Variants in PIGL observed in about 807,000 individuals in gnomAD.
PIGL encodes N-acetylglucosaminyl-phosphatidylinositol de-N-acetylase.
A neutral mutation model predicts 31.1 loss-of-function variants in PIGL; 22 were observed. The observed-to-expected ratio is 0.71, with a 90% confidence interval of 0.51 to 1.01. The LOEUF is 1.01. Ranked by LOEUF, PIGL falls within the 50% of genes least tolerant of loss-of-function variation. The probability of loss-of-function intolerance (pLI) is 0.00; values close to 1 mark genes in which losing one functional copy is unlikely to be tolerated. For synonymous variants in PIGL, 131 were observed against 117.4 expected, an observed-to-expected ratio of 1.12 and a Z score of -0.75; for missense variants, 302 against 315.9, an observed-to-expected ratio of 0.96 and a Z score of 0.33.
intron 2 of PIGL, among the ~76,000 whole-genome samples, chr17:16,264,880 G>A (rs1397186985): frequency 6.6e-6 from 1 of 152,152 alleles, no homozygotes; most frequent in East Asian, 1.9e-4. Flanking sequence ...GCCCTCCTCT[G>A]CCTCCCAAAG....
chr17:16,320,841 G>A (rs905951069), intron 6 of PIGL, among the ~76,000 whole-genome samples: 1 of 151,716 alleles, frequency 6.6e-6, no homozygotes, highest in Admixed American at 6.6e-5. Context: ...CACCATATTG[G>A]TCAGGCTGGT....
At chr17:16,264,393 A>G (rs1166021584) in intron 2 of PIGL, among the ~76,000 whole-genome samples, 1 of 150,342 alleles carries the variant, frequency 6.7e-6, no homozygotes, top group Non-Finnish European at 1.5e-5. Context: ...TGATCCACCC[A>G]CCTCGGCCTC....
chr17:16,217,705 G>T (rs2142618248), intron 1 of PIGL: 1 of 519,718 alleles, frequency 1.9e-6, no homozygotes, highest in South Asian at 2.6e-5. Flanking sequence ...AGTTGCAGTT[G>T]GTTGTATTCA....
At chr17:16,286,328 TGG>T (rs964672885) in intron 2 of PIGL, among the ~76,000 whole-genome samples, 14 of 152,236 alleles carry the variant, frequency 9.2e-5, no homozygotes, top group Non-Finnish European at 1.5e-4. Flanking sequence ...GGGCTGGGTC[TGG>T]GGGAGAAAGA....
At chr17:16,271,270 G>T (rs919091798) in intron 2 of PIGL, among the ~76,000 whole-genome samples, 3 of 152,142 alleles carry the variant, frequency 2.0e-5, no homozygotes, top group African/African-American at 4.8e-5. Flanking sequence ...TCAGTCCTCA[G>T]CTCCACCTTT....
intron 2 of PIGL, among the ~76,000 whole-genome samples, chr17:16,252,025 CAAA>C (rs1044958822): frequency 2.0e-5 from 3 of 149,736 alleles, no homozygotes; most frequent in Non-Finnish European, 3.0e-5. Flanking sequence ...TTTAGAAAAA[CAAA>C]AACACGAATT....
intron 2 of PIGL, among the ~76,000 whole-genome samples, chr17:16,262,510 C>T (rs1350728847): frequency 6.6e-6 from 1 of 152,026 alleles, no homozygotes; most frequent in Non-Finnish European, 1.5e-5. Flanking sequence ...AACAGTTCGG[C>T]GGTTCCTCAA....
chr17:16,271,510 G>A (rs966059167), intron 2 of PIGL, among the ~76,000 whole-genome samples: 1 of 151,950 alleles, frequency 6.6e-6, no homozygotes, highest in African/African-American at 2.4e-5. Flanking sequence ...TTAATGTTAA[G>A]TGTGTCCCAA....
At chr17:16,241,715 G>C (rs1192647778) in intron 2 of PIGL, among the ~76,000 whole-genome samples, 1 of 152,092 alleles carries the variant, frequency 6.6e-6, no homozygotes, top group Non-Finnish European at 1.5e-5. Context: ...GGGAATACTT[G>C]AGAAAATTAT....
At chr17:16,246,670 G>GTTTTTT (rs1284256034) in intron 2 of PIGL, among the ~76,000 whole-genome samples, 1 of 106,528 alleles carries the variant, frequency 9.4e-6, no homozygotes, top group Non-Finnish European at 2.0e-5. Context: ...CCAGATCAAG[G>GTTTTTT]TCTTTTTTTT....
At chr17:16,315,598 A>G (rs2093071933) in intron 4 of PIGL, among the ~76,000 whole-genome samples, 1 of 151,734 alleles carries the variant, frequency 6.6e-6, no homozygotes. Context: ...CTTTCCCTGG[A>G]CATCAGAATA....
rs755757505 is a variant in PIGL, at chr17:16,217,312, A to G, written c.86A>G (p.Lys29Arg). The G allele has an allele frequency of 6.2e-7, 1 of 1,614,188 alleles. No individual in the cohort carries two copies. The highest frequency in any genetic ancestry group is 8.5e-7 in the Non-Finnish European group (1 of 1,180,020). The change falls in exon 1 of 7, where the codon AAG becomes AGG. Residue 29 changes from lysine to arginine, a missense_variant. By Grantham distance (26) the Lys-to-Arg change is conservative. Coordinates refer to ENST00000225609, the MANE Select transcript of PIGL (RefSeq NM_004278.4). Reference sequence around the variant, plus strand: ...GTTTGGGACTCCTCAGAACGAATGAAGAGTCGGGAGCAGGGAGGACGGCTG... The same window carrying G: ...GTTTGGGACTCCTCAGAACGAATGAGGAGTCGGGAGCAGGGAGGACGGCTG... ...LWVWDSSERM[K>R]SREQGGRLGA... is the part of the protein sequence containing the mutation.
chr17:16,285,241 G>T (rs1282135997), intron 2 of PIGL, among the ~76,000 whole-genome samples: 2 of 152,238 alleles, frequency 1.3e-5, no homozygotes, highest in Non-Finnish European at 2.9e-5. Flanking sequence ...ACTGATTTCA[G>T]TGTAATACCT....
intron 6 of PIGL, among the ~76,000 whole-genome samples, chr17:16,319,600 A>T (rs1028371085): frequency 3.3e-5 from 5 of 151,872 alleles, no homozygotes; most frequent in African/African-American, 1.2e-4. Flanking sequence ...ACTAAAATAC[A>T]AAAAAGTAGC....
At chr17:16,249,308 G>A (rs1475857972) in intron 2 of PIGL, among the ~76,000 whole-genome samples, 2 of 152,060 alleles carry the variant, frequency 1.3e-5, no homozygotes, top group African/African-American at 2.4e-5. Context: ...GTGAAACCCT[G>A]TCTCTACTAA....
At chr17:16,222,286 G>C (rs936350508) in intron 1 of PIGL, among the ~76,000 whole-genome samples, 1 of 151,880 alleles carries the variant, frequency 6.6e-6, no homozygotes, top group African/African-American at 2.4e-5. Flanking sequence ...TTTTGAGCTG[G>C]ACTTTAAAAA....
intron 2 of PIGL, among the ~76,000 whole-genome samples, chr17:16,259,690 C>T (rs1327066064): frequency 2.0e-5 from 3 of 152,178 alleles, no homozygotes; most frequent in African/African-American, 7.2e-5. Context: ...CAGCAGCGGC[C>T]TGTTTGGAGT....
chr17:16,234,180 A>G (rs997155314), intron 2 of PIGL, 110 bp downstream of exon 2: 1 of 668,132 alleles, frequency 1.5e-6, no homozygotes, highest in Non-Finnish European at 2.6e-6. Context: ...CTTGTATGAA[A>G]AGTCTAGGGC....
intron 2 of PIGL, among the ~76,000 whole-genome samples, chr17:16,280,822 A>G (rs1447564689): frequency 6.6e-6 from 1 of 152,132 alleles, no homozygotes; most frequent in African/African-American, 2.4e-5. Flanking sequence ...TCTCTGCCTC[A>G]GCCTCCTGAG....
Sources: allele counts gnomAD v4.1 joint callset (sites outside exome capture counted in the v4.1 genomes callset), GRCh38; gene constraint gnomAD v4.1.1; transcripts MANE v1.5; gene names NCBI Gene and HGNC (gene_info 2026-07-23, HGNC 2026-07-21).